Variants in CDH13 observed in about 807,000 individuals in gnomAD.
CDH13 encodes the protein cadherin 13.
In CDH13, 24 loss-of-function variants were observed where a neutral mutation model predicts 63.8. That is an observed-to-expected ratio of 0.38 (90% CI 0.27 to 0.53). The LOEUF (loss-of-function observed/expected upper bound fraction) is 0.53. Ranked by LOEUF, CDH13 falls within the 20% of genes least tolerant of loss-of-function variation. CDH13 has a pLI of 0.85. For synonymous variants in CDH13, 503 were observed against 355.3 expected (o/e 1.42, Z -4.67); for missense variants, 1,049 against 903.1 (o/e 1.16, Z -2.07).
intron 5 of CDH13, among the ~76,000 whole-genome samples, chr16:83,304,792 T>C (rs2089834823): frequency 6.6e-6 from 1 of 152,144 alleles, no homozygotes; most frequent in African/African-American, 2.4e-5. Context: ...ATAACCTTGG[T>C]GAAGCTGCTA....
chr16:82,908,904 A>G lies in CDH13; in HGVS notation c.157+50431A>G, dbSNP rs1474325669. ...CCAAATGGCAAATTGAAAATACAGT[A>G]TTCATAAGATATAAAACCTGCATAT... On this transcript the variant is annotated intron_variant, in intron 2 of 13. Transcript: ENST00000567109. 2.6e-5 allele frequency among the ~76,000 whole-genome samples: 4 copies of G among 152,334 alleles called. No individual in the cohort carries two copies. The East Asian group carries it at 7.7e-4, about 29-fold the overall frequency.
chr16:82,758,254 G>A (rs564234121), intron 1 of CDH13, among the ~76,000 whole-genome samples: 21 of 152,278 alleles, frequency 1.4e-4, no homozygotes, highest in African/African-American at 3.6e-4. Context: ...CTATGTTGAA[G>A]TAACAGGAAT....
intron 2 of CDH13, among the ~76,000 whole-genome samples, chr16:82,923,316 A>T (rs1014593997): frequency 2.6e-5 from 4 of 152,232 alleles, no homozygotes; most frequent in Non-Finnish European, 5.9e-5. Flanking sequence ...GAGTTTAAGG[A>T]CTGGTGTGCA....
At chr16:82,646,259 G>C (rs1179512715) in intron 1 of CDH13, 1 of 152,202 alleles carries the variant, frequency 6.6e-6, no homozygotes, top group African/African-American at 2.4e-5. Flanking sequence ...GCGTGATCTC[G>C]GCTCACTGCA....
intron 7 of CDH13, among the ~76,000 whole-genome samples, chr16:83,568,788 C>G (rs1598303320): frequency 6.6e-6 from 1 of 152,178 alleles, no homozygotes; most frequent in Admixed American, 6.5e-5. Flanking sequence ...AGTTCCTCCT[C>G]CAGAGCTCCT....
chr16:83,674,477 C>T (rs566603651), intron 9 of CDH13, among the ~76,000 whole-genome samples: 4 of 152,326 alleles, frequency 2.6e-5, no homozygotes, highest in South Asian at 2.1e-4. Flanking sequence ...GCCAATTTCC[C>T]GTGATGTTTC....
rs76849206 is a variant in CDH13 at position 83,530,189 on chromosome 16, A to G, written c.960+43534A>G. 1.8e-3 allele frequency among the ~76,000 whole-genome samples: 268 copies of G among 152,298 alleles called. 2 individuals are homozygous for G. The highest frequency in any genetic ancestry group is 6.1e-3 in the African/African-American group (254 of 41,552). On this transcript the variant is annotated intron_variant, in intron 7 of 13. Coordinates refer to ENST00000567109, the MANE Select transcript of CDH13 (RefSeq NM_001257.5). ...GTTCAGCTTGGTGCTATTCATGATA[A>G]TTTGTAATAGGTTAAATGCTTTCAA...
intron 7 of CDH13, among the ~76,000 whole-genome samples, chr16:83,585,425 C>G (rs990524351): frequency 6.6e-6 from 1 of 152,084 alleles, no homozygotes; most frequent in Non-Finnish European, 1.5e-5. Context: ...GGAGGCTTGA[C>G]ACGAGGGGGC....
Position 82,641,189 on chromosome 16 carries a change from T to G in CDH13, c.45+14052T>G, listed in dbSNP as rs539490537. On this transcript the variant is annotated intron_variant, in intron 1 of 13. Coordinates refer to ENST00000567109, the MANE Select transcript of CDH13 (RefSeq NM_001257.5). ...ACAGAATAGGTGGCTGAGGGTGTATTCACTCGCCCTTATCTTCTGCTGGTC... is the reference window on the plus strand; with the variant it reads ...ACAGAATAGGTGGCTGAGGGTGTATGCACTCGCCCTTATCTTCTGCTGGTC... Among the ~76,000 whole-genome samples the G allele has an allele frequency of 8.7e-4, 132 of 152,314 alleles. 1 individual carries two copies. The highest frequency in any genetic ancestry group is 2.7e-3 in the African/African-American group (113 of 41,568).
intron 5 of CDH13, among the ~76,000 whole-genome samples, chr16:83,247,283 C>G (rs1905074036): frequency 6.6e-6 from 1 of 152,092 alleles, no homozygotes; most frequent in South Asian, 2.1e-4. Context: ...ATGTTCTGCA[C>G]CAGACATAAT....
At chr16:83,099,904 G>C (rs1382267616) in intron 3 of CDH13, among the ~76,000 whole-genome samples, 1 of 152,114 alleles carries the variant, frequency 6.6e-6, no homozygotes, top group African/African-American at 2.4e-5. Context: ...GCTTTCTTCT[G>C]CCTGCGAGTT....
At chr16:83,215,241 T>C (rs2039463383) in intron 4 of CDH13, among the ~76,000 whole-genome samples, 1 of 151,672 alleles carries the variant, frequency 6.6e-6, no homozygotes, top group African/African-American at 2.4e-5. Flanking sequence ...CACGCCCAGC[T>C]AAATTTTCTG....
chr16:82,806,149 C>T (rs1342393773), intron 1 of CDH13, among the ~76,000 whole-genome samples: 3 of 152,120 alleles, frequency 2.0e-5, no homozygotes, highest in Non-Finnish European at 4.4e-5. Flanking sequence ...TAGTCTTTTC[C>T]CAAAGCATAT....
At chr16:82,954,633 A>C (rs1475614519) in intron 2 of CDH13, 1 of 151,990 alleles carries the variant, frequency 6.6e-6, no homozygotes, top group Non-Finnish European at 1.5e-5. Context: ...ATTGAGATAT[A>C]ATTCACATAC....
intron 1 of CDH13, among the ~76,000 whole-genome samples, chr16:82,747,478 C>T (rs546747049): frequency 4.6e-4 from 70 of 152,264 alleles, no homozygotes; most frequent in Admixed American, 1.0e-3. Context: ...TAGTGCAGTG[C>T]TTCTCAAAGT....
chr16:83,418,620 A>G (rs1380289319), intron 6 of CDH13, among the ~76,000 whole-genome samples: 1 of 151,946 alleles, frequency 6.6e-6, no homozygotes, highest in Non-Finnish European at 1.5e-5. Flanking sequence ...CTGTCCAAGA[A>G]CTCCTTTGAT....
intron 1 of CDH13, among the ~76,000 whole-genome samples, chr16:82,778,717 A>C (rs944292144): frequency 2.6e-5 from 4 of 152,044 alleles, no homozygotes; most frequent in African/African-American, 9.7e-5. Context: ...TTGAACTCAT[A>C]CCTATCTAGA....
chr16:83,161,712 C>A (rs1165551962), intron 4 of CDH13, among the ~76,000 whole-genome samples: 1 of 152,054 alleles, frequency 6.6e-6, no homozygotes, highest in Non-Finnish European at 1.5e-5. Context: ...CTTTCTTATC[C>A]ACATTCTTGT....
chr16:83,748,296 A>C, intron 11 of CDH13, 46 bp downstream of exon 11: 1 of 1,529,562 alleles, frequency 6.5e-7, no homozygotes, highest in Non-Finnish European at 8.9e-7. Context: ...TTCTGCTACA[A>C]ATATACTTTT....
Sources: allele counts gnomAD v4.1 joint callset (sites outside exome capture counted in the v4.1 genomes callset), GRCh38; gene constraint gnomAD v4.1.1; transcripts MANE v1.5; gene names NCBI Gene and HGNC (gene_info 2026-07-23, HGNC 2026-07-21).